CNGA4: variants seen among roughly 807,000 people sequenced by gnomAD.
CNGA4 encodes cyclic nucleotide gated channel subunit alpha 4, also known as cyclic nucleotide-gated channel alpha-4.
A neutral mutation model predicts 45.6 loss-of-function variants in CNGA4; 32 were observed. The ratio of observed to expected loss-of-function variants is 0.70; its 90% CI spans 0.53 to 0.94. CNGA4 has a LOEUF of 0.94. Among genes scored for constraint, CNGA4 ranks in the 40% least tolerant of loss-of-function variants. CNGA4 has a pLI of 0.00. For synonymous variants in CNGA4, 293 were observed against 304.6 expected (o/e 0.96, Z 0.40); for missense variants, 726 against 755.1 (o/e 0.96, Z 0.45).
In CNGA4 at chr11:6,241,827, G is replaced by C. The variant is rs137959615; in HGVS notation, c.1267+47G>C. 708 of 1,565,974 alleles carry C rather than the reference G, an allele frequency of 4.5e-4. 6 individuals carry two copies. The East Asian group carries it at 0.015, about 34-fold the overall frequency. ...CCAGGGACAAGGATGGGTGGGGTAGGGGGGAACAGCAGAGCCCAGTGCTGG... is the reference window on the plus strand; with the variant it reads ...CCAGGGACAAGGATGGGTGGGGTAGCGGGGAACAGCAGAGCCCAGTGCTGG... On this transcript the variant is annotated intron_variant, in intron 5 of 5. Coordinates refer to ENST00000379936, the MANE Select transcript of CNGA4 (RefSeq NM_001037329.4).
In CNGA4 at chr11:6,241,470, G is replaced by A; in HGVS notation, c.957G>A (p.Glu319=). Residue 319 remains glutamate, a synonymous_variant, in exon 5 of 6, where the codon GAG becomes GAA. Coordinates refer to ENST00000379936, the MANE Select transcript of CNGA4 (RefSeq NM_001037329.4). ...AGATCAACAAGAAGATGACCAACGA[G>A]GTAGCCATCTTACAGCACTTGCCTG... is the stretch of plus-strand genomic sequence containing the variant. ...HLQINKKMTN[E]VAILQHLPER... 6 of 1,602,314 alleles carry A rather than the reference G, an allele frequency of 3.7e-6. No individual in the cohort carries two copies. Among genetic ancestry groups the A allele is most frequent in the Non-Finnish European group, 5.1e-6 (6 of 1,172,070 alleles).
rs530254736 is a variant in CNGA4 at position 6,241,999 on chromosome 11, G to A, written c.1267+219G>A. On this transcript the variant is annotated intron_variant, in intron 5 of 5. Transcript: ENST00000379936. ...CAAGGCCAGTGAACAGGGTGGGTTC[G>A]TGGAAGAGAGAGTAGACTTGCTCTG... 71 of 580,948 alleles carry A rather than the reference G, an allele frequency of 1.2e-4. No homozygotes were observed. In the South Asian group the frequency reaches 1.4e-3, roughly 12 times the overall value. The allele number at this position is 580,948 out of a possible 1,614,324, so 36.0% of individuals were successfully genotyped here. A position where few individuals can be genotyped will look rare whatever the true frequency, so the allele number is the denominator to read the frequency against.
In CNGA4 at chr11:6,241,771, A is replaced by G; in HGVS notation, c.1258A>G (p.Asn420Asp). 6.2e-7 allele frequency: 1 copy of G among 1,614,014 alleles called. No individual in the cohort carries two copies. Among genetic ancestry groups the G allele is most frequent in the Non-Finnish European group, 8.5e-7 (1 of 1,179,882 alleles). Reference protein sequence around the residue: ...GLYFGEISIINIKGNMSGNRR... With the variant: ...GLYFGEISIIDIKGNMSGNRR... ...CTACTTTGGGGAGATCAGCATCATC[A>G]ACATCAAAGGTGGGTATCCCAGTAT... The change falls in exon 5 of 6, where the codon AAC becomes GAC. Residue 420 changes from asparagine (N) to aspartate (D), a missense_variant. Physicochemically the swap from Asn to Asp is conservative, Grantham distance 23. Transcript: ENST00000379936.
At position 6,240,479 on chromosome 11, in the gene CNGA4, C is replaced by G; in HGVS notation, c.685C>G (p.Leu229Val). ...TAGCTTTTACTTCTCCACGCTGATA[C>G]TGACTACAGTGGGCGATACACCGCC... ...LYSFYFSTLI[L>V]TTVGDTPPPA... The change falls in exon 4 of 6, where the codon CTG (leucine) becomes GTG (valine). Residue 229 changes from leucine (L) to valine (V), a missense_variant. Physicochemically the swap from Leu to Val is conservative, Grantham distance 32 (BLOSUM62 1). Coordinates refer to ENST00000379936, the MANE Select transcript of CNGA4 (RefSeq NM_001037329.4). The surrounding 1 kb of genome is among the most constrained non-coding windows in gnomAD (Gnocchi z 4.9). 1 of 1,614,190 alleles carries G rather than the reference C, an allele frequency of 6.2e-7. No individual in the cohort carries two copies. Among genetic ancestry groups the G allele is most frequent in the Non-Finnish European group, 8.5e-7 (1 of 1,180,032 alleles).
chr11:6,241,539 T>C lies in CNGA4; in HGVS notation c.1026T>C (p.Thr342=), dbSNP rs1221135723. Residue 342 remains threonine, a synonymous_variant, in exon 5 of 6, where the codon ACT becomes ACC. Coordinates refer to ENST00000379936, the MANE Select transcript of CNGA4 (RefSeq NM_001037329.4). ...TGGCTGTGTCTGTGCACCTGTCCAC[T>C]CTGAGCCGGGTGCAGATCTTTCAGA... The part of the protein sequence containing the change: ...AEVAVSVHLS[T]LSRVQIFQNC... 1.2e-6 allele frequency: 2 copies of C among 1,614,210 alleles called. No individual in the cohort carries two copies. Among genetic ancestry groups the C allele is most frequent in the East Asian group, 2.2e-5 (1 of 44,880 alleles).
rs780923896 is a variant in CNGA4 at position 6,240,527 on chromosome 11, C to T, written c.733C>T (p.Leu245Phe). The change falls in exon 4 of 6, where the codon CTC becomes TTC. Residue 245 changes from leucine to phenylalanine, a missense_variant. Transcript: ENST00000379936. The surrounding 1 kb of genome is among the most constrained non-coding windows in gnomAD (Gnocchi z 4.9). ...GCCGCCAGCCAGGGAAGAAGAGTAC[C>T]TCTTCATGGTGGGCGACTTCCTGCT... ...TPPPAREEEYLFMVGDFLLAV... is the reference protein window; with the variant it reads ...TPPPAREEEYFFMVGDFLLAV... The T allele has an allele frequency of 6.2e-7, 1 of 1,614,244 alleles. No homozygotes were observed. Among genetic ancestry groups the T allele is most frequent in the Non-Finnish European group, 8.5e-7 (1 of 1,180,056 alleles).
upstream of CNGA4, chr11:6,235,434 G>C: frequency 1.0e-6 from 1 of 969,386 alleles, no homozygotes; most frequent in Non-Finnish European, 1.2e-6. Context: ...GAGAATTGCA[G>C]CGTAGTGTAA....
At chr11:6,243,397 AGCAAGGGTTGGG>A (rs1847945091) in intron 5 of CNGA4, among the ~76,000 whole-genome samples, 1 of 152,194 alleles carries the variant, frequency 6.6e-6, no homozygotes, top group Non-Finnish European at 1.5e-5. Flanking sequence ...TGAAAGCAGG[AGCAAGGGTTGGG>A]GGAGGTGCCA....
Position 6,240,367 on chromosome 11 carries a change from C to T in CNGA4, c.573C>T (p.Ser191=). 1 of 1,614,242 alleles carries T rather than the reference C, an allele frequency of 6.2e-7. No individual in the cohort carries two copies. Among genetic ancestry groups the T allele is most frequent in the Non-Finnish European group, 8.5e-7 (1 of 1,180,042 alleles). ...HWNSCLYFAL[S]RYLGFGRDAW... The stretch of plus-strand genomic sequence containing the variant: ...ACAGCTGCCTATACTTTGCCCTATC[C>T]CGGTACCTGGGCTTCGGGCGTGACG... Residue 191 remains serine (S), a synonymous_variant, in exon 4 of 6, where the codon TCC becomes TCT. Transcript: ENST00000379936. This position sits in a 1 kb window ranked among gnomAD's most constrained non-coding sequence, Gnocchi z 4.9.
Position 6,240,836 on chromosome 11 carries a change from G to T in CNGA4, c.917+125G>T. The T allele has an allele frequency of 8.1e-7, 1 of 1,232,264 alleles. No homozygotes were observed. Among genetic ancestry groups the T allele is most frequent in the Non-Finnish European group, 1.1e-6 (1 of 888,218 alleles). The allele number at this position is 1,232,264 out of a possible 1,614,324, so 76.3% of individuals were successfully genotyped here. A position where few individuals can be genotyped will look rare whatever the true frequency, so the allele number is the denominator to read the frequency against. On this transcript the variant is annotated intron_variant, in intron 4 of 5. Coordinates refer to ENST00000379936, the MANE Select transcript of CNGA4 (RefSeq NM_001037329.4). This position sits in a 1 kb window ranked among gnomAD's most constrained non-coding sequence, Gnocchi z 4.9. ...TGTCAAAATGTAGCATTCAGCCGTG[G>T]GTTTGCTGGCTGGGGCTTGGAAAAA...
intron 5 of CNGA4, 34 bp downstream of exon 5, chr11:6,241,814 A>G (rs748816390): frequency 2.5e-6 from 4 of 1,594,384 alleles, no homozygotes; most frequent in East Asian, 2.2e-5. Flanking sequence ...AGGGACAAGG[A>G]TGGGTGGGGT....
At chr11:6,236,467 T>C (rs773440940), upstream of CNGA4, among the ~76,000 whole-genome samples, 5 of 152,208 alleles carry the variant, frequency 3.3e-5, no homozygotes, top group Non-Finnish European at 7.3e-5. Context: ...TTTTAGAAGG[T>C]AGATCACCAT....
upstream of CNGA4, among the ~76,000 whole-genome samples, chr11:6,236,948 G>A (rs1255356926): frequency 3.3e-5 from 5 of 152,334 alleles, no homozygotes; most frequent in East Asian, 9.6e-4. Context: ...TTTGAGGCTG[G>A]TGGCTGGAAG....
Position 6,241,514 on chromosome 11 carries a change from T to A in CNGA4, c.1001T>A (p.Val334Glu). ...TTGCCTGAGCGGCTGCGGGCAGAAG[T>A]GGCTGTGTCTGTGCACCTGTCCACT... ...QHLPERLRAE[V>E]AVSVHLSTLS... The change falls in exon 5 of 6, where the codon GTG becomes GAG. Residue 334 changes from valine (V) to glutamate (E), a missense_variant. Physicochemically the swap from Val to Glu is moderately radical, Grantham distance 121. Transcript: ENST00000379936. The A allele has an allele frequency of 6.2e-7, 1 of 1,613,690 alleles. No individual in the cohort carries two copies.
At chr11:6,244,498 G>C, downstream of CNGA4, 3 of 1,278,700 alleles carry the variant, frequency 2.3e-6, no homozygotes, top group East Asian at 5.1e-5. This position sits in a 1 kb window ranked among gnomAD's most constrained non-coding sequence, Gnocchi z 4.5. Context: ...TCCTGTCTGC[G>C]AGATCACAGA....
At chr11:6,242,932 C>T (rs1847937264) in intron 5 of CNGA4, among the ~76,000 whole-genome samples, 1 of 152,206 alleles carries the variant, frequency 6.6e-6, no homozygotes. Flanking sequence ...GCTTAAAATA[C>T]TTCAATAGTT....
chr11:6,239,878 C>T, intron 3 of CNGA4, 88 bp downstream of exon 3: 2 of 1,406,930 alleles, frequency 1.4e-6, no homozygotes, highest in Non-Finnish European at 9.8e-7. Flanking sequence ...GCACCCCCAC[C>T]GTGGTAGCAC....
Position 6,241,501 on chromosome 11 carries a change from C to T in CNGA4, c.988C>T (p.Leu330=). The T allele has an allele frequency of 6.2e-7, 1 of 1,613,164 alleles. No homozygotes were observed. Among genetic ancestry groups the T allele is most frequent in the Non-Finnish European group, 8.5e-7 (1 of 1,179,324 alleles). Residue 330 remains leucine (L), a synonymous_variant, in exon 5 of 6, where the codon CTG becomes TTG. Transcript: ENST00000379936. ...VAILQHLPER[L]RAEVAVSVHL... is the part of the protein sequence containing the mutation. The stretch of plus-strand genomic sequence containing the variant: ...CATCTTACAGCACTTGCCTGAGCGG[C>T]TGCGGGCAGAAGTGGCTGTGTCTGT...
intron 4 of CNGA4, among the ~76,000 whole-genome samples, chr11:6,241,112 A>C (rs1274733777): frequency 6.6e-6 from 1 of 152,176 alleles, no homozygotes; most frequent in African/African-American, 2.4e-5. Context: ...AGGAAGTGTC[A>C]CAAAGTTGGG....
Sources: gnomAD v4.1 joint callset for allele counts (sites outside exome capture counted in the v4.1 genomes callset) on GRCh38, gnomAD v4.1.1 for gene constraint, Gnocchi (gnomAD v3.1) non-coding constraint, MANE v1.5 for transcripts, NCBI Gene and HGNC (gene_info 2026-07-23, HGNC 2026-07-21) for gene names.